Variants in RBFOX1 observed in about 807,000 individuals in gnomAD.
RBFOX1 encodes RNA binding fox-1 homolog 1.
RBFOX1 carries 8 observed loss-of-function variants against 57.7 expected under a neutral mutation model. The ratio of observed to expected loss-of-function variants is 0.14; its 90% confidence interval spans 0.08 to 0.25. RBFOX1 has a LOEUF of 0.25. Ranked by LOEUF, RBFOX1 falls within the 10% of genes least tolerant of loss-of-function variation. The probability of loss-of-function intolerance (pLI) is 1.00; values close to 1 mark genes in which losing one functional copy is unlikely to be tolerated. For synonymous variants in RBFOX1, 326 were observed against 222.4 expected, an observed-to-expected ratio of 1.47 and a Z score of -4.15; for missense variants, 611 against 548.5, an observed-to-expected ratio of 1.11 and a Z score of -1.14.
rs183141351 is a variant in RBFOX1, at chr16:5,535,782, C to T, written c.259-63120C>T. Among the ~76,000 whole-genome samples the T allele has an allele frequency of 1.5e-3, 232 of 152,316 alleles. 1 individual carries two copies. The highest frequency in any genetic ancestry group is 3.0e-3 in the Non-Finnish European group (203 of 68,022). On this transcript the variant is annotated intron_variant, in intron 2 of 2. Coordinates refer to the RBFOX1 transcript ENST00000585867. ...TAACATCCTCAAGAACTTTGTGCATCTCTTATGTATGTCACCAGGTTTCAC... is the reference window on the plus strand; with the variant it reads ...TAACATCCTCAAGAACTTTGTGCATTTCTTATGTATGTCACCAGGTTTCAC...
chr16:5,420,599 C>T (rs1200724760), intron 1 of RBFOX1, among the ~76,000 whole-genome samples: 1 of 152,074 alleles, frequency 6.6e-6, no homozygotes, highest in African/African-American at 2.4e-5. Context: ...ATCTTGACCT[C>T]CCCAGGCTCC....
chr16:5,452,178 G>A (rs1381732305), intron 1 of RBFOX1, among the ~76,000 whole-genome samples: 1 of 147,056 alleles, frequency 6.8e-6, no homozygotes, highest in Non-Finnish European at 1.5e-5. Flanking sequence ...GAGTGCAGTG[G>A]CACGATCTCA....
rs1278136972 is a variant in RBFOX1 at position 6,518,797 on chromosome 16, G to GTCTGTCTGTCTGTCTA, written c.-63-135803_-63-135802insGTCTGTCTGTCTATCT. ...CATCTGTCTGTCTGTCTGTGTGTCT[G>GTCTGTCTGTCTGTCTA]TCTATCTATCTATCTATCTATCTAT... On this transcript the variant is annotated intron_variant, in intron 2 of 15. Coordinates refer to ENST00000550418, the MANE Select transcript of RBFOX1 (RefSeq NM_018723.4). Among the ~76,000 whole-genome samples, 44 of 104,076 alleles carry GTCTGTCTGTCTGTCTA rather than the reference G, an allele frequency of 4.2e-4. 1 individual carries two copies. Among genetic ancestry groups the GTCTGTCTGTCTGTCTA allele is most frequent in the African/African-American group, 1.5e-3 (43 of 28,606 alleles). The allele number at this position is 104,076 out of a possible 152,430, so 68.3% of individuals were successfully genotyped here.
intron 4 of RBFOX1, among the ~76,000 whole-genome samples, chr16:7,387,753 A>G (rs573929764): frequency 6.6e-5 from 10 of 152,206 alleles, no homozygotes; most frequent in African/African-American, 1.9e-4. Context: ...CCTCCCCACA[A>G]TCCCATGAAC....
At chr16:6,185,414 C>G (rs997768735) in intron 1 of RBFOX1, among the ~76,000 whole-genome samples, 2 of 152,184 alleles carry the variant, frequency 1.3e-5, no homozygotes, top group African/African-American at 2.4e-5. Context: ...AGCTGATTAT[C>G]TCCATTTTAC....
chr16:5,781,041 C>T (rs2054307355), intron 3 of RBFOX1, among the ~76,000 whole-genome samples: 1 of 152,176 alleles, frequency 6.6e-6, no homozygotes, highest in South Asian at 2.1e-4. Context: ...ATTTCTCTCT[C>T]ATTCTGTTAA....
At chr16:5,938,985 T>A (rs1290482993) in intron 4 of RBFOX1, among the ~76,000 whole-genome samples, 3 of 152,012 alleles carry the variant, frequency 2.0e-5, no homozygotes, top group Non-Finnish European at 2.9e-5. Context: ...CAGCAAACTA[T>A]CGCAAGGACA....
intron 1 of RBFOX1, among the ~76,000 whole-genome samples, chr16:6,126,691 C>T (rs1227896508): frequency 1.3e-5 from 2 of 152,086 alleles, no homozygotes; most frequent in African/African-American, 2.4e-5. Flanking sequence ...TTCACTAGAG[C>T]AGGTTTTGTT....
intron 2 of RBFOX1, among the ~76,000 whole-genome samples, chr16:5,528,223 A>C (rs2342434): frequency 1.3e-5 from 2 of 151,984 alleles, no homozygotes; most frequent in Non-Finnish European, 2.9e-5. Flanking sequence ...CCACAGAGGC[A>C]TTCCTTTGTG....
chr16:5,280,576 T>C (rs1243059958), intron 1 of RBFOX1, among the ~76,000 whole-genome samples: 1 of 152,200 alleles, frequency 6.6e-6, no homozygotes, highest in Non-Finnish European at 1.5e-5. Context: ...CTTTTCTCTT[T>C]TGGGAGACTT....
intron 4 of RBFOX1, among the ~76,000 whole-genome samples, chr16:7,177,847 A>G (rs2081978288): frequency 6.6e-6 from 1 of 152,134 alleles, no homozygotes; most frequent in African/African-American, 2.4e-5. Context: ...TTCCGATAAA[A>G]CTTTAGTTAC....
At chr16:5,975,028 A>G (rs565226060) in intron 4 of RBFOX1, among the ~76,000 whole-genome samples, 48 of 152,298 alleles carry the variant, frequency 3.2e-4, no homozygotes, top group Non-Finnish European at 4.3e-4. Flanking sequence ...TAAATAAATA[A>G]AAATAACAAA....
At chr16:5,827,069 A>G (rs1040465300) in intron 3 of RBFOX1, among the ~76,000 whole-genome samples, 1 of 152,140 alleles carries the variant, frequency 6.6e-6, no homozygotes, top group African/African-American at 2.4e-5. Flanking sequence ...CTGTTGACCA[A>G]GTCTTTTTCT....
At chr16:7,260,893 G>A (rs544241631) in intron 4 of RBFOX1, among the ~76,000 whole-genome samples, 2 of 152,294 alleles carry the variant, frequency 1.3e-5, no homozygotes, top group East Asian at 3.9e-4. Context: ...TTCTGATGCA[G>A]TCACTGGGGT....
chr16:7,265,406 T>C (rs1376272384), intron 4 of RBFOX1, among the ~76,000 whole-genome samples: 2 of 152,032 alleles, frequency 1.3e-5, no homozygotes, highest in Non-Finnish European at 2.9e-5. Context: ...TTTTTCTTTA[T>C]GTTTTCTTTT....
At chr16:7,684,045 TAA>T (rs2075518037) in intron 14 of RBFOX1, among the ~76,000 whole-genome samples, 1 of 152,158 alleles carries the variant, frequency 6.6e-6, no homozygotes, top group Admixed American at 6.6e-5. Flanking sequence ...AATTTTTCAG[TAA>T]AAGTGTCTAA....
chr16:7,154,994 A>G (rs939007893), intron 4 of RBFOX1, among the ~76,000 whole-genome samples: 3 of 152,112 alleles, frequency 2.0e-5, no homozygotes, highest in Non-Finnish European at 4.4e-5. Flanking sequence ...GACTTGAATT[A>G]GGTAGATTCT....
intron 2 of RBFOX1, among the ~76,000 whole-genome samples, chr16:6,572,250 C>T (rs2097354914): frequency 6.6e-6 from 1 of 152,116 alleles, no homozygotes; most frequent in South Asian, 2.1e-4. Flanking sequence ...AGTGACAAAT[C>T]TGTATCAAAT....
intron 1 of RBFOX1, among the ~76,000 whole-genome samples, chr16:5,274,454 A>G (rs1056588127): frequency 6.6e-6 from 1 of 152,130 alleles, no homozygotes; most frequent in African/African-American, 2.4e-5. Context: ...GCTTGAACCC[A>G]GGGGGCGGAG....
Sources: gnomAD v4.1 joint callset for allele counts (sites outside exome capture counted in the v4.1 genomes callset) on GRCh38, gnomAD v4.1.1 for gene constraint, MANE v1.5 for transcripts, NCBI Gene and HGNC (gene_info 2026-07-23, HGNC 2026-07-21) for gene names.